Variants in BEND4 observed in about 807,000 individuals in gnomAD.
The protein encoded by BEND4 is BEN domain-containing protein 4.
Under a neutral mutation model 54.7 loss-of-function variants are expected in BEND4, and 27 were observed. The observed-to-expected ratio is 0.49, with a 90% CI of 0.36 to 0.68. The LOEUF is 0.68. Among genes scored for constraint, BEND4 ranks in the 30% least tolerant of loss-of-function variants. The pLI, the probability that BEND4 is intolerant of heterozygous loss-of-function variation, is 0.00. For synonymous variants in BEND4, 327 were observed against 299.5 expected, an observed-to-expected ratio of 1.09 and a Z score of -0.95; for missense variants, 702 against 697.2, an observed-to-expected ratio of 1.01 and a Z score of -0.08.
In BEND4 at chr4:42,143,819, G is replaced by A; in HGVS notation, c.663C>T (p.Val221=). The part of the protein sequence containing the change: ...RQEHCHIGKG[V]HSQTSDNVDI... ...CTACATTGTCTGAGGTCTGACTGTG[G>A]ACCCCTTTCCCAATGTGACAGTGCT... The change falls in exon 3 of 6, where the codon GTC becomes GTT. Residue 221 remains valine, a synonymous_variant. Coordinates refer to ENST00000502486, the MANE Select transcript of BEND4 (RefSeq NM_207406.4). 4 of 1,590,596 alleles carry A rather than the reference G, an allele frequency of 2.5e-6. No individual in the cohort carries two copies. The South Asian group carries it at 4.7e-5, about 19-fold the overall frequency.
At chr4:42,151,588 C>T in intron 2 of BEND4, 69 bp downstream of exon 2, 1 of 1,393,834 alleles carries the variant, frequency 7.2e-7, no homozygotes, top group Non-Finnish European at 9.3e-7. Context: ...CCCCCCGCTT[C>T]TCCTTCCTGG....
chr4:42,127,219 T>C (rs1158383906), intron 3 of BEND4, among the ~76,000 whole-genome samples: 4 of 152,180 alleles, frequency 2.6e-5, no homozygotes, highest in African/African-American at 9.7e-5. Context: ...TAACAGGAAG[T>C]AGGAGTAGGT....
intron 4 of BEND4, among the ~76,000 whole-genome samples, chr4:42,122,297 T>C (rs1720095207): frequency 6.6e-6 from 1 of 152,126 alleles, no homozygotes; most frequent in Non-Finnish European, 1.5e-5. Flanking sequence ...AAAATACAGA[T>C]GATAATCCCA....
chr4:42,123,352 T>C (rs745519143), intron 4 of BEND4, among the ~76,000 whole-genome samples: 5 of 152,180 alleles, frequency 3.3e-5, no homozygotes, highest in Non-Finnish European at 5.9e-5. Context: ...GTTGTATATT[T>C]TCAATTAGCC....
At chr4:42,144,060 A>T in intron 2 of BEND4, 66 bp from the exon 3 acceptor site, 1 of 1,122,732 alleles carries the variant, frequency 8.9e-7, no homozygotes. Context: ...AAAGTCCTCA[A>T]TTTTCAGCTT....
In BEND4 at chr4:42,143,726, A is replaced by C; in HGVS notation, c.756T>G (p.Ser252=). 2 of 1,614,042 alleles carry C rather than the reference A, an allele frequency of 1.2e-6. No homozygotes were observed. The highest frequency in any genetic ancestry group is 1.1e-5 in the South Asian group (1 of 91,082). ...TSAFLRVFTD[S]LQNYLLSGSF... ...TTCCCGAGAGCAGGTAATTTTGTAG[A>C]GAGTCAGTGAAAACCCTCAAAAAGG... is the stretch of plus-strand genomic sequence containing the variant. The change falls in exon 3 of 6, where the codon TCT becomes TCG. Residue 252 remains serine (S), a synonymous_variant. Transcript: ENST00000502486.
chr4:42,121,331 G>A (rs971668189), intron 4 of BEND4, among the ~76,000 whole-genome samples: 2 of 152,156 alleles, frequency 1.3e-5, no homozygotes, highest in African/African-American at 2.4e-5. Flanking sequence ...CTAGGAAACC[G>A]GCACGGAGTT....
intron 2 of BEND4, among the ~76,000 whole-genome samples, chr4:42,146,698 T>C (rs1721093478): frequency 6.6e-6 from 1 of 152,240 alleles, no homozygotes; most frequent in Non-Finnish European, 1.5e-5. Flanking sequence ...AATCCTATAA[T>C]CCCATTCTAG....
At chr4:42,119,627 T>C (rs938920979) in intron 5 of BEND4, among the ~76,000 whole-genome samples, 5 of 152,050 alleles carry the variant, frequency 3.3e-5, no homozygotes, top group African/African-American at 9.7e-5. Context: ...CCTAAACAAA[T>C]TTAAGGAGTT....
chr4:42,133,584 G>A (rs538234882), intron 3 of BEND4, among the ~76,000 whole-genome samples: 108 of 152,328 alleles, frequency 7.1e-4, no homozygotes, highest in Non-Finnish European at 1.2e-3. Flanking sequence ...GCGAGGCGCC[G>A]TGGCTCATGC....
rs567211529 is a variant in BEND4, at chr4:42,113,972, G to C, written c.*3546C>G. 1 of 152,296 alleles carries C rather than the reference G, an allele frequency of 6.6e-6. No homozygotes were observed. Among genetic ancestry groups the C allele is most frequent in the South Asian group, 2.1e-4 (1 of 4,830 alleles). The allele number at this position is 152,296 out of a possible 1,614,324, so 9.4% of individuals were successfully genotyped here. On this transcript the variant is annotated 3_prime_UTR_variant, in exon 6 of 6. Coordinates refer to ENST00000502486, the MANE Select transcript of BEND4 (RefSeq NM_207406.4). ...ATGAGGAAAACCAAAAAAGTGATGC[G>C]CGGGTTCAAGGGCTAGAGGAAATAT...
Position 42,116,228 on chromosome 4 carries a change from T to C in BEND4, c.*1290A>G, listed in dbSNP as rs1035604539. ...CAATAAACGCTGTCCATTTAGCCCT[T>C]TGCTCTACAAAGAATGTAGTAATCT... On this transcript the variant is annotated 3_prime_UTR_variant, in exon 6 of 6. Coordinates refer to ENST00000502486, the MANE Select transcript of BEND4 (RefSeq NM_207406.4). 3 of 152,212 alleles carry C rather than the reference T, an allele frequency of 2.0e-5. No homozygotes were observed. Among genetic ancestry groups the C allele is most frequent in the African/African-American group, 7.2e-5 (3 of 41,450 alleles). The allele number at this position is 152,212 out of a possible 1,614,324, so 9.4% of individuals were successfully genotyped here.
chr4:42,137,102 A>T (rs976071602), intron 3 of BEND4, among the ~76,000 whole-genome samples: 3 of 152,214 alleles, frequency 2.0e-5, no homozygotes, highest in African/African-American at 7.2e-5. Context: ...AGAGGCTTGG[A>T]TTATAATCCT....
At position 42,143,542 on chromosome 4, in the gene BEND4, C is replaced by A; in HGVS notation, c.940G>T (p.Glu314Ter). ...TAGCCTTCCTCGTCCTCCTCCTCCT[C>A]CTCTTCTGGCAGTGTAGATGAAGAT... is the stretch of plus-strand genomic sequence containing the variant. Reference protein sequence around the residue: ...HPSSSTLPEEEEEEDEEGYCP... With the variant: ...HPSSSTLPEE The change falls in exon 3 of 6, where the codon GAG becomes TAG. Residue 314 changes from glutamate (E) to a stop codon, truncating the protein, a stop_gained. Transcript: ENST00000502486. LOFTEE classifies it high-confidence loss of function. 1 of 1,557,482 alleles carries A rather than the reference C, an allele frequency of 6.4e-7. No homozygotes were observed. The highest frequency in any genetic ancestry group is 2.0e-5 in the Admixed American group (1 of 51,262).
At chr4:42,149,822 G>C (rs768895018) in intron 2 of BEND4, among the ~76,000 whole-genome samples, 1 of 152,070 alleles carries the variant, frequency 6.6e-6, no homozygotes. Flanking sequence ...CAGAAAAAAA[G>C]AAGCAATACA....
intron 4 of BEND4, among the ~76,000 whole-genome samples, chr4:42,123,713 A>C (rs1020105583): frequency 2.7e-5 from 4 of 150,300 alleles, no homozygotes; most frequent in Non-Finnish European, 5.9e-5. Flanking sequence ...AAAAAAAAAA[A>C]AAAACAACTT....
At chr4:42,147,415 T>C (rs968397921) in intron 2 of BEND4, among the ~76,000 whole-genome samples, 8 of 152,106 alleles carry the variant, frequency 5.3e-5, no homozygotes, top group Non-Finnish European at 1.0e-4. Context: ...ACAAACACAA[T>C]TGAATGGCTA....
chr4:42,132,044 G>C (rs892168375), intron 3 of BEND4, among the ~76,000 whole-genome samples: 1 of 152,214 alleles, frequency 6.6e-6, no homozygotes. Context: ...TCTGGAAAAC[G>C]GAGACAGGTG....
At position 42,152,330 on chromosome 4, in the gene BEND4, G is replaced by A; in HGVS notation, c.-187C>T. 1 of 399,472 alleles carries A rather than the reference G, an allele frequency of 2.5e-6. No homozygotes were observed. The highest frequency in any genetic ancestry group is 1.2e-4 in the South Asian group (1 of 8,618). 24.7% of individuals were successfully genotyped at this position (399,472 alleles called of 1,614,324 possible). On this transcript the variant is annotated 5_prime_UTR_variant, in exon 2 of 6. Transcript: ENST00000502486. Reference sequence around the variant, plus strand: ...GCTGGCATCGCCGAGCCCCCGCGCGGGGGGCTGCCGCCCGAGCTCCTGATT... The same window carrying A: ...GCTGGCATCGCCGAGCCCCCGCGCGAGGGGCTGCCGCCCGAGCTCCTGATT...
Sources: gnomAD v4.1 joint callset for allele counts (sites outside exome capture counted in the v4.1 genomes callset) on GRCh38, gnomAD v4.1.1 for gene constraint, MANE v1.5 for transcripts, NCBI Gene and HGNC (gene_info 2026-07-23, HGNC 2026-07-21) for gene names.